CNTNAP4: variants seen among roughly 807,000 people sequenced by gnomAD.
The protein encoded by CNTNAP4 is contactin-associated protein-like 4.
Under a neutral mutation model 148.4 loss-of-function variants are expected in CNTNAP4, and 98 were observed. The observed-to-expected ratio is 0.66, with a 90% CI of 0.56 to 0.78. The LOEUF is 0.78. CNTNAP4 is among the 30% of genes least tolerant of loss of function. The pLI, the probability that CNTNAP4 is intolerant of heterozygous loss-of-function variation, is 0.00. For synonymous variants in CNTNAP4, 730 were observed against 565.1 expected (o/e 1.29, Z -4.14); for missense variants, 1,935 against 1,565.6 (o/e 1.24, Z -3.98).
At chr16:76,318,004 A>C (rs1961986034) in intron 2 of CNTNAP4, among the ~76,000 whole-genome samples, 1 of 152,106 alleles carries the variant, frequency 6.6e-6, no homozygotes, top group Non-Finnish European at 1.5e-5. Context: ...ACTTGCAGTA[A>C]GAGTTACTGG....
At chr16:76,546,161 A>G (rs987510499) in intron 21 of CNTNAP4, among the ~76,000 whole-genome samples, 1 of 152,244 alleles carries the variant, frequency 6.6e-6, no homozygotes, top group Admixed American at 6.5e-5. Context: ...AGGAAGAGAA[A>G]GGAAGGGATT....
chr16:76,386,711 T>G (rs2144737300), intron 3 of CNTNAP4, among the ~76,000 whole-genome samples: 1 of 152,286 alleles, frequency 6.6e-6, no homozygotes, highest in South Asian at 2.1e-4. Context: ...GTTCACTACC[T>G]TAACGTTGGG....
intron 13 of CNTNAP4, among the ~76,000 whole-genome samples, chr16:76,493,017 G>A (rs541847966): frequency 6.6e-6 from 1 of 151,068 alleles, no homozygotes; most frequent in Non-Finnish European, 1.5e-5. Flanking sequence ...GTCAACTCCA[G>A]AAAGGCATGG....
chr16:76,498,689 G>A lies in CNTNAP4; in HGVS notation c.2360G>A (p.Gly787Glu). ...AAACTGGGGCCTCTGCTCTGCCAGG[G>A]AGACAGTAAGTGGTTACAATGTGTT... ...AYKLGPLLCQ[G>E]DRSFWNSASF... is the part of the protein sequence containing the mutation. Residue 787 changes from glycine to glutamate, a missense_variant, in exon 15 of 24, where the codon GGA becomes GAA. Physicochemically the swap from Gly to Glu is moderately conservative, Grantham distance 98. Transcript: ENST00000611870. The A allele has an allele frequency of 6.2e-7, 1 of 1,604,468 alleles. No individual in the cohort carries two copies. The highest frequency in any genetic ancestry group is 8.5e-7 in the Non-Finnish European group (1 of 1,176,292).
chr16:76,507,698 G>A lies in CNTNAP4; in HGVS notation c.2365+9004G>A, dbSNP rs1209265789. ...TAGGGCCTGCCCAAGTGTTCTAACT[G>A]TAGTTGCAGTATGTTCAGAACCAGA... On this transcript the variant is annotated intron_variant, in intron 15 of 23. Coordinates refer to ENST00000611870, the MANE Select transcript of CNTNAP4 (RefSeq NM_033401.5). Among the ~76,000 whole-genome samples the A allele has an allele frequency of 2.0e-5, 2 of 98,002 alleles. 1 individual carries two copies. The highest frequency in any genetic ancestry group is 5.8e-5 in the Non-Finnish European group (2 of 34,500). 64.3% of individuals were successfully genotyped at this position (98,002 alleles called of 152,430 possible).
chr16:76,406,120 G>A (rs960908705), intron 3 of CNTNAP4, among the ~76,000 whole-genome samples: 1 of 152,024 alleles, frequency 6.6e-6, no homozygotes, highest in African/African-American at 2.4e-5. Flanking sequence ...GTTACTGTTA[G>A]TGCTATTTTA....
At chr16:76,337,877 C>T (rs968092697) in intron 2 of CNTNAP4, among the ~76,000 whole-genome samples, 1 of 152,180 alleles carries the variant, frequency 6.6e-6, no homozygotes, top group African/African-American at 2.4e-5. Context: ...AAAAATATGG[C>T]TCTATTCTGC....
At position 76,359,821 on chromosome 16, in the gene CNTNAP4, A is replaced by G. The variant is rs950023154; in HGVS notation, c.390+4310A>G. Among the ~76,000 whole-genome samples, 5 of 152,350 alleles carry G rather than the reference A, an allele frequency of 3.3e-5. No homozygotes were observed. In the East Asian group the frequency reaches 9.6e-4, roughly 29 times the overall value. ...GGTTCTCTTCAGTTTATTGTACATG[A>G]TTGAAAAAGTAAACATAAGGTATAA... On this transcript the variant is annotated intron_variant, in intron 3 of 23. Coordinates refer to ENST00000611870, the MANE Select transcript of CNTNAP4 (RefSeq NM_033401.5).
chr16:76,484,184 GAA>G (rs1350275376), intron 12 of CNTNAP4, among the ~76,000 whole-genome samples: 3 of 142,790 alleles, frequency 2.1e-5, no homozygotes, highest in Non-Finnish European at 4.5e-5. Flanking sequence ...TGTGTGTGGG[GAA>G]AGAGAGAGAG....
At chr16:76,433,346 C>T (rs2079684558) in intron 4 of CNTNAP4, among the ~76,000 whole-genome samples, 1 of 152,028 alleles carries the variant, frequency 6.6e-6, no homozygotes, top group Admixed American at 6.6e-5. Flanking sequence ...TGTGTTAAAC[C>T]ATTGTGTTTA....
At chr16:76,327,798 C>T (rs1291754727) in intron 2 of CNTNAP4, among the ~76,000 whole-genome samples, 1 of 152,214 alleles carries the variant, frequency 6.6e-6, no homozygotes, top group Non-Finnish European at 1.5e-5. Flanking sequence ...TGCTTTTGTT[C>T]TCAGAATGGA....
chr16:76,523,487 C>T (rs1044648855), intron 17 of CNTNAP4, among the ~76,000 whole-genome samples: 1 of 151,792 alleles, frequency 6.6e-6, no homozygotes, highest in African/African-American at 2.4e-5. Flanking sequence ...TAGTGGAATC[C>T]TTCTGGATGT....
chr16:76,289,258 A>T (rs1959014271), intron 1 of CNTNAP4, among the ~76,000 whole-genome samples: 1 of 152,158 alleles, frequency 6.6e-6, no homozygotes, highest in South Asian at 2.1e-4. Flanking sequence ...ATCTCTAGCA[A>T]TTTGAAAGTA....
intron 1 of CNTNAP4, among the ~76,000 whole-genome samples, chr16:76,291,321 G>A (rs997696620): frequency 1.3e-5 from 2 of 152,058 alleles, no homozygotes; most frequent in South Asian, 2.1e-4. Flanking sequence ...GTGCATTGCC[G>A]AGATCAATGG....
intron 15 of CNTNAP4, among the ~76,000 whole-genome samples, chr16:76,515,194 G>C (rs776528420): frequency 6.6e-6 from 1 of 152,156 alleles, no homozygotes; most frequent in Admixed American, 6.6e-5. Context: ...ACCTATCTGA[G>C]AAAGGACTAG....
rs1263268120 is a variant in CNTNAP4, at chr16:76,553,341, C to T, written c.3501C>T (p.Cys1167=). ...CAGGTGCGCAGGGCTTCACAGGCTG[C>T]CTCTCTGCAGTGCAGCTCAGCCACG... The part of the protein sequence containing the change: ...ALAGAQGFTG[C]LSAVQLSHVA... Residue 1167 remains cysteine (C), a synonymous_variant, in exon 22 of 24, where the codon TGC becomes TGT. Transcript: ENST00000611870. The T allele has an allele frequency of 6.2e-7, 1 of 1,613,092 alleles. No homozygotes were observed. The highest frequency in any genetic ancestry group is 2.2e-5 in the East Asian group (1 of 44,834).
chr16:76,345,603 G>A (rs1964837673), intron 2 of CNTNAP4, among the ~76,000 whole-genome samples: 1 of 152,140 alleles, frequency 6.6e-6, no homozygotes, highest in Non-Finnish European at 1.5e-5. Flanking sequence ...AAGGCCATCT[G>A]TGTTTGCTAA....
In CNTNAP4 at chr16:76,558,677, C is replaced by A. The variant is rs768680630; in HGVS notation, c.3921C>A (p.Phe1307Leu). 5 of 1,600,096 alleles carry A rather than the reference C, an allele frequency of 3.1e-6. No homozygotes were observed. The highest frequency in any genetic ancestry group is 4.3e-6 in the Non-Finnish European group (5 of 1,172,144). ...NAVNENQKEY[F>L]F is the part of the protein sequence containing the mutation. Reference sequence around the variant, plus strand: ...TCAATGAAAATCAGAAAGAGTACTTCTTCTGATTGGCAGCTATGATTTAAC... The same window carrying A: ...TCAATGAAAATCAGAAAGAGTACTTATTCTGATTGGCAGCTATGATTTAAC... Residue 1307 changes from phenylalanine (F) to leucine (L), a missense_variant, in exon 24 of 24, where the codon TTC (phenylalanine) becomes TTA (leucine). Coordinates refer to ENST00000611870, the MANE Select transcript of CNTNAP4 (RefSeq NM_033401.5).
intron 3 of CNTNAP4, among the ~76,000 whole-genome samples, chr16:76,358,329 C>G (rs965361456): frequency 2.0e-5 from 3 of 152,022 alleles, no homozygotes; most frequent in African/African-American, 4.8e-5. Context: ...GAGCAAGACT[C>G]CATTTCAAAA....
Sources: allele counts gnomAD v4.1 joint callset (sites outside exome capture counted in the v4.1 genomes callset), GRCh38; gene constraint gnomAD v4.1.1; transcripts MANE v1.5; gene names NCBI Gene and HGNC (gene_info 2026-07-23, HGNC 2026-07-21).